CLK3: variants seen among roughly 807,000 people sequenced by gnomAD.
The protein encoded by CLK3 is CDC like kinase 3, also known as dual specificity protein kinase CLK3.
Under a neutral mutation model 65.2 loss-of-function variants are expected in CLK3, and 24 were observed. The observed-to-expected ratio is 0.37, with a 90% CI of 0.27 to 0.52. The LOEUF (loss-of-function observed/expected upper bound fraction) is 0.52. Among genes scored for constraint, CLK3 ranks in the 20% least tolerant of loss-of-function variants. The probability of loss-of-function intolerance (pLI) is 0.92; values close to 1 mark genes in which losing one functional copy is unlikely to be tolerated. For missense variants in CLK3, 506 were observed against 660.0 expected (o/e 0.77, Z 2.56); for synonymous variants, 252 against 240.8 (o/e 1.05, Z -0.43).
At chr15:74,623,503 G>A (rs1596289275) in intron 5 of CLK3, 3 of 152,354 alleles carry the variant, frequency 2.0e-5, no homozygotes, top group Non-Finnish European at 2.9e-5. Flanking sequence ...CCTTTCCTGT[G>A]GCCACGAGAT....
chr15:74,620,273 C>G, intron 3 of CLK3, 48 bp downstream of exon 3: 4 of 1,604,780 alleles, frequency 2.5e-6, no homozygotes, highest in Non-Finnish European at 3.4e-6. Flanking sequence ...GGCCTCATCT[C>G]TTCCTAGCCT....
In CLK3 at chr15:74,622,434, G is replaced by T; in HGVS notation, c.467-60G>T. On this transcript the variant is annotated intron_variant, in intron 4 of 12. Transcript: ENST00000395066. The surrounding 1 kb of genome is among the most constrained non-coding windows in gnomAD (Gnocchi z 4.6). Reference sequence around the variant, plus strand: ...TTGAGAATTTGAATGCTGTGAACTTGCAGGAGCTGCCAACCCCCTGCCCTC... The same window carrying T: ...TTGAGAATTTGAATGCTGTGAACTTTCAGGAGCTGCCAACCCCCTGCCCTC... The T allele has an allele frequency of 7.6e-7, 1 of 1,319,578 alleles. No homozygotes were observed. Among genetic ancestry groups the T allele is most frequent in the Non-Finnish European group, 1.1e-6 (1 of 934,136 alleles). The allele number at this position is 1,319,578 out of a possible 1,614,324, so 81.7% of individuals were successfully genotyped here. A position where few individuals can be genotyped will look rare whatever the true frequency, so the allele number is the denominator to read the frequency against.
At chr15:74,616,601 C>T (rs1461763278) in intron 1 of CLK3, among the ~76,000 whole-genome samples, 1 of 152,212 alleles carries the variant, frequency 6.6e-6, no homozygotes, top group African/African-American at 2.4e-5. Context: ...GAACCAGGCC[C>T]CCATCAGAGG....
At chr15:74,615,561 TGA>T, upstream of CLK3, 3 of 1,269,030 alleles carry the variant, frequency 2.4e-6, no homozygotes, top group Non-Finnish European at 2.0e-6. Context: ...CTCTCGGCTC[TGA>T]GAGCCCAGCC....
chr15:74,615,137 T>C, upstream of CLK3: 1 of 324,352 alleles, frequency 3.1e-6, no homozygotes, highest in Non-Finnish European at 5.6e-6. Context: ...CCGGCGGGGC[T>C]TTTGTCTAGC....
intron 5 of CLK3, among the ~76,000 whole-genome samples, chr15:74,623,153 A>G (rs1281647246): frequency 6.6e-6 from 1 of 152,196 alleles, no homozygotes; most frequent in Non-Finnish European, 1.5e-5. Context: ...CTCTCTCCCA[A>G]GCCCAACAGT....
At chr15:74,619,430 C>A in intron 2 of CLK3, 82 bp downstream of exon 2, 1 of 1,476,632 alleles carries the variant, frequency 6.8e-7, no homozygotes, top group Non-Finnish European at 9.3e-7. Context: ...CTTGAGATGA[C>A]TCCATCCCTG....
intron 11 of CLK3, 129 bp from the exon 12 acceptor site, chr15:74,628,813 T>A: frequency 9.9e-7 from 1 of 1,012,870 alleles, no homozygotes; most frequent in Middle Eastern, 2.1e-4. Context: ...CTAAAAGCCT[T>A]CCCTGTGTGC....
chr15:74,614,302 C>A (rs1325362024), upstream of CLK3, among the ~76,000 whole-genome samples: 1 of 152,098 alleles, frequency 6.6e-6, no homozygotes, highest in Non-Finnish European at 1.5e-5. Flanking sequence ...GGTGAACCAC[C>A]GCGCTTGGCC....
chr15:74,627,826 C>A lies in CLK3; in HGVS notation c.1043-144C>A. On this transcript the variant is annotated intron_variant, in intron 9 of 12. Coordinates refer to ENST00000395066, the MANE Select transcript of CLK3 (RefSeq NM_001130028.2). This position sits in a 1 kb window ranked among gnomAD's most constrained non-coding sequence, Gnocchi z 4.3. The stretch of plus-strand genomic sequence containing the variant: ...CATGAGACACAGGTGACTGACCTGG[C>A]TTTATCTGTCAGCCTTACTGAGAGA... 8.1e-7 allele frequency: 1 copy of A among 1,233,246 alleles called. No homozygotes were observed. The highest frequency in any genetic ancestry group is 1.2e-6 in the Non-Finnish European group (1 of 852,736). 76.4% of individuals were successfully genotyped at this position (1,233,246 alleles called of 1,614,324 possible). A position where few individuals can be genotyped will look rare whatever the true frequency, so the allele number is the denominator to read the frequency against.
Position 74,622,061 on chromosome 15 carries a change from A to C in CLK3, c.370-59A>C. ...CCTTTGACTGACACCTCAATCTGTCAATCGGAACCGCCTACCATGCGATTG... is the reference window on the plus strand; with the variant it reads ...CCTTTGACTGACACCTCAATCTGTCCATCGGAACCGCCTACCATGCGATTG... On this transcript the variant is annotated intron_variant, in intron 3 of 12. Transcript: ENST00000395066. This position sits in a 1 kb window ranked among gnomAD's most constrained non-coding sequence, Gnocchi z 4.6. 1 of 1,524,148 alleles carries C rather than the reference A, an allele frequency of 6.6e-7. No individual in the cohort carries two copies. The allele number at this position is 1,524,148 out of a possible 1,614,324, so 94.4% of individuals were successfully genotyped here. A position where few individuals can be genotyped will look rare whatever the true frequency, so the allele number is the denominator to read the frequency against.
Position 74,621,709 on chromosome 15 carries a change from C to T in CLK3, c.370-411C>T. 2.9e-6 allele frequency: 1 copy of T among 343,020 alleles called. No homozygotes were observed. Among genetic ancestry groups the T allele is most frequent in the Non-Finnish European group, 5.8e-6 (1 of 173,238 alleles). The allele number at this position is 343,020 out of a possible 1,614,324, so 21.2% of individuals were successfully genotyped here. A position where few individuals can be genotyped will look rare whatever the true frequency, so the allele number is the denominator to read the frequency against. ...TTCTCACTGCATCTTCCGCTCTGGC[C>T]CAAAGCCACATGGGAGGGTCTGGGA... On this transcript the variant is annotated intron_variant, in intron 3 of 12. Coordinates refer to ENST00000395066, the MANE Select transcript of CLK3 (RefSeq NM_001130028.2). This position sits in a 1 kb window ranked among gnomAD's most constrained non-coding sequence, Gnocchi z 4.8.
intron 12 of CLK3, 139 bp from the exon 13 acceptor site, chr15:74,629,568 G>C (rs1188428347): frequency 3.2e-6 from 2 of 633,326 alleles, no homozygotes; most frequent in Non-Finnish European, 5.6e-6. Context: ...CATTGTCCAG[G>C]AGGGCGGAAG....
Position 74,620,100 on chromosome 15 carries a change from G to A in CLK3, c.244G>A (p.Asp82Asn). 1 of 1,614,192 alleles carries A rather than the reference G, an allele frequency of 6.2e-7. No homozygotes were observed. ...AGAGCGGAGCCCATCCTTTGGAGAG[G>A]ACTACTATGGACCTTCACGTTCTCG... ...CEERSPSFGE[D>N]YYGPSRSRHR... Residue 82 changes from aspartate (D) to asparagine (N), a missense_variant, in exon 3 of 13, where the codon GAC becomes AAC. Physicochemically the swap from Asp to Asn is conservative, Grantham distance 23. Transcript: ENST00000395066.
intron 2 of CLK3, 23 bp from the exon 3 acceptor site, chr15:74,619,986 C>T (rs759152978): frequency 3.1e-6 from 5 of 1,613,684 alleles, no homozygotes; most frequent in Middle Eastern, 1.7e-4. Context: ...AGCTGACCAG[C>T]GTCCCCATCC....
rs2062102120 is a variant in CLK3, at chr15:74,621,386, G to A, written c.370-734G>A. On this transcript the variant is annotated intron_variant, in intron 3 of 12. Coordinates refer to ENST00000395066, the MANE Select transcript of CLK3 (RefSeq NM_001130028.2). The surrounding 1 kb of genome is among the most constrained non-coding windows in gnomAD (Gnocchi z 4.8). ...CCTGTGTGGGCCATTGTGGTAGGAA[G>A]CCTGGCAGTCGACTGGCCCAGAGGA... 6.1e-6 allele frequency: 1 copy of A among 163,082 alleles called. No homozygotes were observed. The highest frequency in any genetic ancestry group is 2.4e-5 in the African/African-American group (1 of 41,578). The allele number at this position is 163,082 out of a possible 1,614,324, so 10.1% of individuals were successfully genotyped here.
At position 74,624,891 on chromosome 15, in the gene CLK3, C is replaced by T. The variant is rs1027820349; in HGVS notation, c.534-11C>T. 1 of 1,589,756 alleles carries T rather than the reference C, an allele frequency of 6.3e-7. No homozygotes were observed. Among genetic ancestry groups the T allele is most frequent in the Non-Finnish European group, 8.6e-7 (1 of 1,164,748 alleles). On this transcript the variant is annotated splice_polypyrimidine_tract_variant and intron_variant, in intron 5 of 12. Coordinates refer to ENST00000395066, the MANE Select transcript of CLK3 (RefSeq NM_001130028.2). The surrounding 1 kb of genome is among the most constrained non-coding windows in gnomAD (Gnocchi z 4.2). ...GCTGATGAGAACCTCTGTTTCCTTCCCGGGTACCAGAGGGAAGTCTCAGGT... is the reference window on the plus strand; with the variant it reads ...GCTGATGAGAACCTCTGTTTCCTTCTCGGGTACCAGAGGGAAGTCTCAGGT...
intron 6 of CLK3, 65 bp from the exon 7 acceptor site, chr15:74,625,737 C>G (rs552607552): frequency 4.4e-6 from 7 of 1,576,772 alleles, no homozygotes; most frequent in East Asian, 2.2e-5. Flanking sequence ...CTGTCTTCAT[C>G]TGAGAGAGGG....
intron 6 of CLK3, 147 bp downstream of exon 6, chr15:74,625,165 T>C (rs1387237880): frequency 4.7e-6 from 3 of 644,190 alleles, no homozygotes; most frequent in African/African-American, 3.6e-5. Flanking sequence ...GCTGGAAGCC[T>C]TTAGACTGCA....
Sources: allele counts gnomAD v4.1 joint callset (sites outside exome capture counted in the v4.1 genomes callset), GRCh38; gene constraint gnomAD v4.1.1; non-coding constraint Gnocchi (gnomAD v3.1); transcripts MANE v1.5; gene names NCBI Gene and HGNC (gene_info 2026-07-23, HGNC 2026-07-21).